Variants in GFI1 observed in about 807,000 individuals in gnomAD.
GFI1 encodes growth factor independent 1 transcriptional repressor.
GFI1 carries 15 observed loss-of-function variants against 39.2 expected under a neutral mutation model. That is an observed-to-expected ratio of 0.38 (90% CI 0.26 to 0.59). GFI1 has a LOEUF of 0.59. Among genes scored for constraint, GFI1 ranks in the 20% least tolerant of loss-of-function variants. The pLI is 0.62. For missense variants in GFI1, 475 were observed against 574.0 expected (o/e 0.83, Z 1.76); for synonymous variants, 239 against 254.3 (o/e 0.94, Z 0.57).
chr1:92,485,127 C>T (rs889783598), intron 1 of GFI1, among the ~76,000 whole-genome samples: 2 of 152,202 alleles, frequency 1.3e-5, no homozygotes, highest in South Asian at 4.1e-4. Flanking sequence ...GGAGAAAAGA[C>T]GCCTGGGACG....
At position 92,481,103 on chromosome 1, in the gene GFI1, G is replaced by C; in HGVS notation, c.299-15C>G. ...CTTCTCCGAGGCTGTGGAGGCACAA[G>C]GGGAGCGTCCGGTCAGGCTTCAGAC... On this transcript the variant is annotated splice_polypyrimidine_tract_variant and intron_variant, in intron 3 of 6. Transcript: ENST00000294702. The surrounding 1 kb of genome is among the most constrained non-coding windows in gnomAD (Gnocchi z 4.3). The C allele has an allele frequency of 6.2e-7, 1 of 1,605,048 alleles. No homozygotes were observed. The highest frequency in any genetic ancestry group is 1.1e-5 in the South Asian group (1 of 90,236).
rs965169213 is a variant in GFI1, at chr1:92,484,846, C to G, written c.-99-1260G>C. Among the ~76,000 whole-genome samples, 1 of 152,232 alleles carries G rather than the reference C, an allele frequency of 6.6e-6. No homozygotes were observed. The highest frequency in any genetic ancestry group is 2.4e-5 in the African/African-American group (1 of 41,470). ...ACGTGAGCTGCAGTACAGCAGTTCTCCGTGGCCTCGGCTGGTTCAGAAACG... is the reference window on the plus strand; with the variant it reads ...ACGTGAGCTGCAGTACAGCAGTTCTGCGTGGCCTCGGCTGGTTCAGAAACG... On this transcript the variant is annotated intron_variant, in intron 1 of 6. Coordinates refer to ENST00000294702, the MANE Select transcript of GFI1 (RefSeq NM_005263.5). The surrounding 1 kb of genome is among the most constrained non-coding windows in gnomAD (Gnocchi z 4.1).
In GFI1 at chr1:92,477,954, G is replaced by A. The variant is rs979403432; in HGVS notation, c.1090+634C>T. 3.9e-5 allele frequency among the ~76,000 whole-genome samples: 6 copies of A among 152,170 alleles called. 1 individual carries two copies. The highest frequency in any genetic ancestry group is 2.6e-4 in the Admixed American group (4 of 15,284). ...AGACCTGAATTTGAGCTCTGGCCCT[G>A]TCATTTGCTAGCAGTGTGACCCTGG... On this transcript the variant is annotated intron_variant, in intron 6 of 6. Coordinates refer to ENST00000294702, the MANE Select transcript of GFI1 (RefSeq NM_005263.5).
chr1:92,483,189 G>C lies in GFI1; in HGVS notation c.116-143C>G, dbSNP rs565051581. 6.3e-4 allele frequency: 524 copies of C among 835,354 alleles called. 3 individuals are homozygous for C. Among genetic ancestry groups the C allele is most frequent in the Non-Finnish European group, 8.7e-4 (472 of 541,168 alleles). 51.7% of individuals were successfully genotyped at this position (835,354 alleles called of 1,614,324 possible). A position where few individuals can be genotyped will look rare whatever the true frequency, so the allele number is the denominator to read the frequency against. ...CCCGGCCGGGAACCCTCTCGGATCCGAGGGCAGGCGCAGAGAGGCCATGGC... is the reference window on the plus strand; with the variant it reads ...CCCGGCCGGGAACCCTCTCGGATCCCAGGGCAGGCGCAGAGAGGCCATGGC... On this transcript the variant is annotated intron_variant, in intron 2 of 6. Coordinates refer to ENST00000294702, the MANE Select transcript of GFI1 (RefSeq NM_005263.5).
intron 1 of GFI1, among the ~76,000 whole-genome samples, chr1:92,485,569 A>T (rs937472567): frequency 1.3e-5 from 2 of 151,964 alleles, no homozygotes; most frequent in Non-Finnish European, 2.9e-5. Context: ...TGGAGGAGAT[A>T]GGGGCCCCGG....
At position 92,481,205 on chromosome 1, in the gene GFI1, A is replaced by C. The variant is rs1181097648; in HGVS notation, c.299-117T>G. 6.5e-6 allele frequency: 6 copies of C among 924,232 alleles called. No individual in the cohort carries two copies. Among genetic ancestry groups the C allele is most frequent in the East Asian group, 2.7e-5 (1 of 37,728 alleles). The allele number at this position is 924,232 out of a possible 1,614,324, so 57.3% of individuals were successfully genotyped here. On this transcript the variant is annotated intron_variant, in intron 3 of 6. Transcript: ENST00000294702. The surrounding 1 kb of genome is among the most constrained non-coding windows in gnomAD (Gnocchi z 4.3). ...CTGCGGGGCACCCAGCGCTTGTAGAACACTGCGTGCGCCAGGTGCCAGGCT... is the reference window on the plus strand; with the variant it reads ...CTGCGGGGCACCCAGCGCTTGTAGACCACTGCGTGCGCCAGGTGCCAGGCT...
chr1:92,477,046 T>A (rs1396773176), intron 6 of GFI1, among the ~76,000 whole-genome samples: 3 of 152,214 alleles, frequency 2.0e-5, no homozygotes, highest in Non-Finnish European at 4.4e-5. Flanking sequence ...TAGCCCAGCA[T>A]GGCATTATAG....
At position 92,475,173 on chromosome 1, in the gene GFI1, G is replaced by C. The variant is rs1194847374; in HGVS notation, c.*856C>G. 1 of 152,210 alleles carries C rather than the reference G, an allele frequency of 6.6e-6. No individual in the cohort carries two copies. Among genetic ancestry groups the C allele is most frequent in the Non-Finnish European group, 1.5e-5 (1 of 68,066 alleles). The allele number at this position is 152,210 out of a possible 1,614,324, so 9.4% of individuals were successfully genotyped here. On this transcript the variant is annotated 3_prime_UTR_variant, in exon 7 of 7. Coordinates refer to ENST00000294702, the MANE Select transcript of GFI1 (RefSeq NM_005263.5). ...CGTTAGCTTTTGAGGAGCAGTCAGG[G>C]GTTGTGACTTCAGTCTCTCTTCCCC...
intron 6 of GFI1, 42 bp downstream of exon 6, chr1:92,478,546 C>T (rs759781375): frequency 1.9e-6 from 3 of 1,558,930 alleles, no homozygotes. Context: ...GTAATGTTGG[C>T]CTCAGGGTGT....
At position 92,480,292 on chromosome 1, in the gene GFI1, G is replaced by GGA; in HGVS notation, c.924+54_924+55dup. 6.6e-7 allele frequency: 1 copy of GGA among 1,517,522 alleles called. No homozygotes were observed. Among genetic ancestry groups the GGA allele is most frequent in the Non-Finnish European group, 8.9e-7 (1 of 1,127,364 alleles). The allele number at this position is 1,517,522 out of a possible 1,614,324, so 94.0% of individuals were successfully genotyped here. Reference sequence around the variant, plus strand: ...CAGAGAGTGGCTGGTGCTGCACCGAGGAGATGCAGAAGATCCCCGAGCAGG... The same window carrying GGA: ...CAGAGAGTGGCTGGTGCTGCACCGAGGAGAGATGCAGAAGATCCCCGAGCAGG... On this transcript the variant is annotated intron_variant, in intron 5 of 6. Coordinates refer to ENST00000294702, the MANE Select transcript of GFI1 (RefSeq NM_005263.5). The surrounding 1 kb of genome is among the most constrained non-coding windows in gnomAD (Gnocchi z 5.6).
In GFI1 at chr1:92,480,561, G is replaced by C. The variant is rs765190282; in HGVS notation, c.786+40C>G. On this transcript the variant is annotated intron_variant, in intron 4 of 6. Transcript: ENST00000294702. This position sits in a 1 kb window ranked among gnomAD's most constrained non-coding sequence, Gnocchi z 5.6. ...CAGGCGAGGCGCGGGTAGGGGAAGCGGGCGCACGGCAGGCGAGGTGGTGAG... is the reference window on the plus strand; with the variant it reads ...CAGGCGAGGCGCGGGTAGGGGAAGCCGGCGCACGGCAGGCGAGGTGGTGAG... 6.5e-7 allele frequency: 1 copy of C among 1,541,854 alleles called. No individual in the cohort carries two copies. The highest frequency in any genetic ancestry group is 1.2e-5 in the South Asian group (1 of 83,970).
chr1:92,486,006 G>A (rs1658511407), intron 1 of GFI1: 1 of 152,318 alleles, frequency 6.6e-6, no homozygotes, highest in Non-Finnish European at 1.5e-5. Flanking sequence ...CAGGCTCGGC[G>A]GACCTACCTG....
chr1:92,485,519 C>G (rs971118855), intron 1 of GFI1, among the ~76,000 whole-genome samples: 2 of 152,178 alleles, frequency 1.3e-5, no homozygotes, highest in Non-Finnish European at 2.9e-5. Flanking sequence ...CTCTCGCACC[C>G]CGGCCCGCTT....
In GFI1 at chr1:92,483,501, T is replaced by G. The variant is rs200972824; in HGVS notation, c.-14A>C. 1.2e-3 allele frequency: 1,766 copies of G among 1,486,092 alleles called. 1 individual carries two copies. Among genetic ancestry groups the G allele is most frequent in the Non-Finnish European group, 1.2e-3 (1,265 of 1,068,938 alleles). 92.1% of individuals were successfully genotyped at this position (1,486,092 alleles called of 1,614,324 possible). On this transcript the variant is annotated 5_prime_UTR_variant, in exon 2 of 7. Coordinates refer to ENST00000294702, the MANE Select transcript of GFI1 (RefSeq NM_005263.5). Reference sequence around the variant, plus strand: ...TGAGCGCGGCATGGTGGTCCGGCACTTTCCCCACTGCGCCCCAAGAGTCCC... The same window carrying G: ...TGAGCGCGGCATGGTGGTCCGGCACGTTCCCCACTGCGCCCCAAGAGTCCC...
At position 92,481,950 on chromosome 1, in the gene GFI1, T is replaced by TGAGCGC. The variant is rs1363205144; in HGVS notation, c.299-863_299-862insGCGCTC. ...GCATTTACAAATGTGTGTGTGTGTG[T>TGAGCGC]GTGCGCACAACACTCCAGTTCAGGC... On this transcript the variant is annotated intron_variant, in intron 3 of 6. Coordinates refer to ENST00000294702, the MANE Select transcript of GFI1 (RefSeq NM_005263.5). This position sits in a 1 kb window ranked among gnomAD's most constrained non-coding sequence, Gnocchi z 4.3. 8.1e-4 allele frequency among the ~76,000 whole-genome samples: 3 copies of TGAGCGC among 3,718 alleles called. No individual in the cohort carries two copies. Among genetic ancestry groups the TGAGCGC allele is most frequent in the African/African-American group, 1.3e-3 (3 of 2,238 alleles). The allele number at this position is 3,718 out of a possible 152,430, so 2.4% of individuals were successfully genotyped here.
Position 92,481,344 on chromosome 1 carries a change from C to T in GFI1, c.299-256G>A, listed in dbSNP as rs1212716050. 6.6e-6 allele frequency among the ~76,000 whole-genome samples: 1 copy of T among 152,222 alleles called. No individual in the cohort carries two copies. The highest frequency in any genetic ancestry group is 1.9e-4 in the East Asian group (1 of 5,190). On this transcript the variant is annotated intron_variant, in intron 3 of 6. Transcript: ENST00000294702. This position sits in a 1 kb window ranked among gnomAD's most constrained non-coding sequence, Gnocchi z 4.3. ...GGGAGAGGAGGTCGTAAATTCTGTG[C>T]GAGTGCAGCGGAGGCGCTCGGCGTT...
rs1658158393 is a variant in GFI1, at chr1:92,480,269, G to A, written c.924+79C>T. The A allele has an allele frequency of 2.1e-6, 3 of 1,457,330 alleles. No homozygotes were observed. Among genetic ancestry groups the A allele is most frequent in the Non-Finnish European group, 2.8e-6 (3 of 1,075,200 alleles). The allele number at this position is 1,457,330 out of a possible 1,614,324, so 90.3% of individuals were successfully genotyped here. ...AAGTCGAGGAGAAAACTTCCAGGCA[G>A]AGAGTGGCTGGTGCTGCACCGAGGA... On this transcript the variant is annotated intron_variant, in intron 5 of 6. Coordinates refer to ENST00000294702, the MANE Select transcript of GFI1 (RefSeq NM_005263.5). This position sits in a 1 kb window ranked among gnomAD's most constrained non-coding sequence, Gnocchi z 5.6.
In GFI1 at chr1:92,483,593, G is replaced by A; in HGVS notation, c.-99-7C>T. 1.4e-6 allele frequency: 1 copy of A among 737,020 alleles called. No homozygotes were observed. The highest frequency in any genetic ancestry group is 2.4e-6 in the Non-Finnish European group (1 of 409,028). 45.7% of individuals were successfully genotyped at this position (737,020 alleles called of 1,614,324 possible). ...GCCCCAGCCCGGAGGAGACCTGAGA[G>A]GGAAAGAAAACCAGGTGGAGACGTG... On this transcript the variant is annotated splice_polypyrimidine_tract_variant and splice_region_variant and intron_variant, in intron 1 of 6. Transcript: ENST00000294702.
In GFI1 at chr1:92,483,685, C is replaced by T. The variant is rs1277995171; in HGVS notation, c.-99-99G>A. On this transcript the variant is annotated intron_variant, in intron 1 of 6. Coordinates refer to ENST00000294702, the MANE Select transcript of GFI1 (RefSeq NM_005263.5). Reference sequence around the variant, plus strand: ...AGGGAGAGCGCGGGCCAGGGAGGCGCGCAGAGGGCCCACGGGAGGAGGGGC... The same window carrying T: ...AGGGAGAGCGCGGGCCAGGGAGGCGTGCAGAGGGCCCACGGGAGGAGGGGC... 9 of 632,552 alleles carry T rather than the reference C, an allele frequency of 1.4e-5. No individual in the cohort carries two copies. In the East Asian group the frequency reaches 2.6e-4, roughly 18 times the overall value. The allele number at this position is 632,552 out of a possible 1,614,324, so 39.2% of individuals were successfully genotyped here.
Sources: gnomAD v4.1 joint callset for allele counts (sites outside exome capture counted in the v4.1 genomes callset) on GRCh38, gnomAD v4.1.1 for gene constraint, Gnocchi (gnomAD v3.1) non-coding constraint, MANE v1.5 for transcripts, NCBI Gene and HGNC (gene_info 2026-07-23, HGNC 2026-07-21) for gene names.